WWOX: variants seen among roughly 807,000 people sequenced by gnomAD.
WWOX encodes WW domain containing oxidoreductase.
A neutral mutation model predicts 46.2 loss-of-function variants in WWOX; 69 were observed. That is an observed-to-expected ratio of 1.49 (90% confidence interval 1.23 to 1.82). The LOEUF (loss-of-function observed/expected upper bound fraction) is 1.82, where lower values mean the gene tolerates loss of function less well. WWOX is among the 40% of genes most tolerant of loss of function. The probability of loss-of-function intolerance (pLI) is 0.00; values close to 1 mark genes in which losing one functional copy is unlikely to be tolerated. For missense variants in WWOX, 919 were observed against 542.6 expected (o/e 1.69, Z -6.89); for synonymous variants, 359 against 202.6 (o/e 1.77, Z -6.56).
intron 8 of WWOX, among the ~76,000 whole-genome samples, chr16:78,631,543 T>A (rs1295687197): frequency 2.0e-5 from 3 of 150,630 alleles, no homozygotes; most frequent in Non-Finnish European, 4.4e-5. Flanking sequence ...AAATATTCTT[T>A]TTTTTTTTTT....
chr16:78,595,165 A>G (rs933025600), intron 8 of WWOX, among the ~76,000 whole-genome samples: 1 of 152,242 alleles, frequency 6.6e-6, no homozygotes, highest in African/African-American at 2.4e-5. Context: ...ATGGGTAGAC[A>G]TATACTTCAT....
intron 5 of WWOX, among the ~76,000 whole-genome samples, chr16:78,376,370 A>T (rs1474132564): frequency 6.6e-6 from 1 of 152,160 alleles, no homozygotes; most frequent in African/African-American, 2.4e-5. Context: ...CGATGTTTTT[A>T]CATGGGTAGA....
chr16:79,185,424 C>G (rs2050993991), intron 8 of WWOX, among the ~76,000 whole-genome samples: 1 of 152,156 alleles, frequency 6.6e-6, no homozygotes, highest in African/African-American at 2.4e-5. Flanking sequence ...ACCATATTTT[C>G]TAACTGGGAG....
intron 8 of WWOX, among the ~76,000 whole-genome samples, chr16:79,125,773 T>C (rs2049740069): frequency 6.6e-6 from 1 of 152,258 alleles, no homozygotes; most frequent in Non-Finnish European, 1.5e-5. Context: ...TTCTTTGGAC[T>C]TCAGAGCCCC....
intron 5 of WWOX, among the ~76,000 whole-genome samples, chr16:78,305,446 G>C (rs1402251703): frequency 6.6e-6 from 1 of 152,112 alleles, no homozygotes; most frequent in East Asian, 1.9e-4. Flanking sequence ...AAGAAGCATA[G>C]ACAATGTGGA....
intron 8 of WWOX, among the ~76,000 whole-genome samples, chr16:78,709,406 G>A (rs138006108): frequency 0.032 from 4,900 of 152,222 alleles, 118 homozygotes; most frequent in Non-Finnish European, 0.047. Context: ...GGCCTGGGTA[G>A]CGGGCCCAGC....
chr16:79,106,514 T>C (rs115086988), intron 8 of WWOX: 1 of 152,004 alleles, frequency 6.6e-6, no homozygotes, highest in African/African-American at 2.4e-5. Flanking sequence ...TGAGTGCGTA[T>C]TTGGGGAAAG....
chr16:79,181,315 C>G (rs1281144175), intron 8 of WWOX, among the ~76,000 whole-genome samples: 2 of 152,038 alleles, frequency 1.3e-5, no homozygotes, highest in Non-Finnish European at 2.9e-5. Flanking sequence ...GTGGAGTAGC[C>G]CTAATTAAAT....
At chr16:79,186,186 C>T (rs937868776) in intron 8 of WWOX, among the ~76,000 whole-genome samples, 2 of 152,138 alleles carry the variant, frequency 1.3e-5, no homozygotes, top group African/African-American at 4.8e-5. Flanking sequence ...TGAGAAGAGA[C>T]ATGAGCCAGA....
chr16:78,582,480 A>G (rs943198170), intron 8 of WWOX, among the ~76,000 whole-genome samples: 1 of 152,162 alleles, frequency 6.6e-6, no homozygotes, highest in Non-Finnish European at 1.5e-5. Context: ...TGGCTTGCCT[A>G]CATTCTCTTT....
intron 8 of WWOX, among the ~76,000 whole-genome samples, chr16:78,652,879 C>T (rs928319832): frequency 4.6e-5 from 7 of 152,152 alleles, no homozygotes; most frequent in Admixed American, 2.6e-4. Flanking sequence ...TTGACTCCCC[C>T]TTGCCCATCA....
intron 8 of WWOX, among the ~76,000 whole-genome samples, chr16:78,573,306 A>T (rs1397966905): frequency 3.9e-5 from 6 of 152,176 alleles, no homozygotes; most frequent in Non-Finnish European, 7.3e-5. Context: ...AACAAAACAA[A>T]ACAAAAAAGG....
chr16:78,322,329 T>G (rs2080502121), intron 5 of WWOX, among the ~76,000 whole-genome samples: 1 of 152,202 alleles, frequency 6.6e-6, no homozygotes, highest in African/African-American at 2.4e-5. Context: ...TTTGACTCCC[T>G]TTGTAATGTA....
chr16:78,122,885 A>C (rs1338945551), intron 4 of WWOX, among the ~76,000 whole-genome samples: 1 of 152,164 alleles, frequency 6.6e-6, no homozygotes, highest in African/African-American at 2.4e-5. Flanking sequence ...GATTACAGAC[A>C]CTAGCCACCA....
chr16:78,840,819 G>A lies in WWOX; in HGVS notation c.1057-370789G>A, dbSNP rs899169548. ...GCACTTAGTAGGTATATATATTTGTGGTCTGTGTTTCTTATAAATTGGTAA... is the reference window on the plus strand; with the variant it reads ...GCACTTAGTAGGTATATATATTTGTAGTCTGTGTTTCTTATAAATTGGTAA... On this transcript the variant is annotated intron_variant, in intron 8 of 8. Transcript: ENST00000566780. 5.3e-5 allele frequency among the ~76,000 whole-genome samples: 8 copies of A among 151,890 alleles called. No individual in the cohort carries two copies. The East Asian group carries it at 1.2e-3, about 22-fold the overall frequency.
intron 8 of WWOX, among the ~76,000 whole-genome samples, chr16:78,983,645 C>A (rs1419946088): frequency 1.3e-5 from 2 of 152,108 alleles, no homozygotes; most frequent in Non-Finnish European, 2.9e-5. Context: ...CTTGTGACTT[C>A]CAGCCAATGG....
At chr16:78,548,606 A>T (rs934262445) in intron 8 of WWOX, among the ~76,000 whole-genome samples, 1 of 152,196 alleles carries the variant, frequency 6.6e-6, no homozygotes, top group African/African-American at 2.4e-5. Context: ...CAAGGAACTG[A>T]TGGGCCGGTT....
At chr16:78,315,496 A>G (rs2080340332) in intron 5 of WWOX, among the ~76,000 whole-genome samples, 1 of 152,106 alleles carries the variant, frequency 6.6e-6, no homozygotes, top group East Asian at 1.9e-4. Context: ...CTACAGATAT[A>G]AAAATTGGCT....
chr16:78,511,866 A>G (rs1292625643), intron 8 of WWOX, among the ~76,000 whole-genome samples: 1 of 152,244 alleles, frequency 6.6e-6, no homozygotes, highest in Non-Finnish European at 1.5e-5. Flanking sequence ...TGATCTGAAT[A>G]TTAAATACAA....
Sources: gnomAD v4.1 joint callset for allele counts (sites outside exome capture counted in the v4.1 genomes callset) on GRCh38, gnomAD v4.1.1 for gene constraint, MANE v1.5 for transcripts, NCBI Gene and HGNC (gene_info 2026-07-23, HGNC 2026-07-21) for gene names.